Variants in NEK8 observed in about 807,000 individuals in gnomAD.
The protein encoded by NEK8 is NIMA related kinase 8.
In NEK8, 51 loss-of-function variants were observed where a neutral mutation model predicts 77.2. The observed-to-expected ratio is 0.66, with a 90% confidence interval of 0.53 to 0.83. NEK8 has a LOEUF of 0.83. Ranked by LOEUF, NEK8 falls within the 40% of genes least tolerant of loss-of-function variation. NEK8 has a pLI of 0.00. For missense variants in NEK8, 787 were observed against 909.2 expected (o/e 0.87, Z 1.73); for synonymous variants, 365 against 363.2 (o/e 1.00, Z -0.06).
At chr17:28,736,600 C>T (rs1348314028) in intron 4 of NEK8, among the ~76,000 whole-genome samples, 19 of 152,274 alleles carry the variant, frequency 1.2e-4, no homozygotes, top group East Asian at 7.7e-4. Context: ...TCATATCCTT[C>T]GCCCACTTGT....
chr17:28,739,201 G>A lies in NEK8; in HGVS notation c.1417G>A (p.Gly473Ser), dbSNP rs766850842. 11 of 1,608,774 alleles carry A rather than the reference G, an allele frequency of 6.8e-6. No individual in the cohort carries two copies. The highest frequency in any genetic ancestry group is 3.3e-5 in the South Asian group (3 of 91,004). The change falls in exon 10 of 15, where the codon GGC (glycine) becomes AGC (serine). Residue 473 changes from glycine (G) to serine (S), a missense_variant and splice_region_variant. Gly to Ser is a moderately conservative substitution (Grantham distance 56). Coordinates refer to ENST00000268766, the MANE Select transcript of NEK8 (RefSeq NM_178170.3). ...ELFAWGRGDS[G>S]RLGLGTRESH... is the part of the protein sequence containing the mutation. ...ATTTGCCTGGGGCCGTGGAGACAGC[G>A]GTAAGCTCCAGCCTTTAGGCCCCAT...
Position 28,739,016 on chromosome 17 carries a change from A to C in NEK8, c.1300-68A>C, listed in dbSNP as rs1010472210. Reference sequence around the variant, plus strand: ...GTGTAGCCTCCAGCTTTGTCCCTACAGGGGGTGTTGAAGCCAGATGGCTCC... The same window carrying C: ...GTGTAGCCTCCAGCTTTGTCCCTACCGGGGGTGTTGAAGCCAGATGGCTCC... On this transcript the variant is annotated intron_variant, in intron 9 of 14. Transcript: ENST00000268766. The C allele has an allele frequency of 7.9e-6, 9 of 1,141,432 alleles. No individual in the cohort carries two copies. In the Middle Eastern group the frequency reaches 5.8e-4, roughly 73 times the overall value. The allele number at this position is 1,141,432 out of a possible 1,614,324, so 70.7% of individuals were successfully genotyped here.
chr17:28,734,686 C>CAAAA, intron 2 of NEK8, 86 bp from the exon 3 acceptor site: 2 of 792,694 alleles, frequency 2.5e-6, no homozygotes, highest in South Asian at 1.6e-5. Context: ...GACTCCATCT[C>CAAAA]AAAAAAAAAA....
In NEK8 at chr17:28,741,097, T is replaced by A; in HGVS notation, c.1752T>A (p.Thr584=). 1.2e-6 allele frequency: 2 copies of A among 1,614,186 alleles called. No individual in the cohort carries two copies. Among genetic ancestry groups the A allele is most frequent in the Non-Finnish European group, 1.7e-6 (2 of 1,180,022 alleles). ...CCATAGCCTCGGGTGATTGCTACAC[T>A]TTTGGCAGCAATCAGCACGGACAGT... ...AAVTASGDCY[T]FGSNQHGQLG... Residue 584 remains threonine, a synonymous_variant, in exon 13 of 15, where the codon ACT becomes ACA. Coordinates refer to ENST00000268766, the MANE Select transcript of NEK8 (RefSeq NM_178170.3). The surrounding 1 kb of genome is among the most constrained non-coding windows in gnomAD (Gnocchi z 4.5).
chr17:28,738,624 CTGTT>C, intron 8 of NEK8, 43 bp from the exon 9 acceptor site: 1 of 1,541,788 alleles, frequency 6.5e-7, no homozygotes, highest in Non-Finnish European at 9.0e-7. Flanking sequence ...TCTGGAAAGA[CTGTT>C]TAACTTCTTT....
At position 28,740,983 on chromosome 17, in the gene NEK8, C is replaced by T; in HGVS notation, c.1730C>T (p.Thr577Ile). 1.9e-6 allele frequency: 3 copies of T among 1,614,156 alleles called. No individual in the cohort carries two copies. Among genetic ancestry groups the T allele is most frequent in the South Asian group, 1.1e-5 (1 of 91,086 alleles). Reference protein sequence around the residue: ...DLGTAHSAAVTASGDCYTFGS... With the variant: ...DLGTAHSAAVIASGDCYTFGS... ...GGCACTGCTCACTCAGCTGCTGTGA[C>T]TGGTGAGGAGGACTTGGGCTCTGGA... Residue 577 changes from threonine to isoleucine, a missense_variant and splice_region_variant, in exon 12 of 15, where the codon ACT (threonine) becomes ATT (isoleucine). Thr to Ile is a moderately conservative substitution (Grantham distance 89). Coordinates refer to ENST00000268766, the MANE Select transcript of NEK8 (RefSeq NM_178170.3). The surrounding 1 kb of genome is among the most constrained non-coding windows in gnomAD (Gnocchi z 4.7).
At chr17:28,735,713 T>G (rs542851653) in intron 4 of NEK8, among the ~76,000 whole-genome samples, 1 of 152,196 alleles carries the variant, frequency 6.6e-6, no homozygotes, top group South Asian at 2.1e-4. Flanking sequence ...GACTCCCCTG[T>G]CAGTCTGGGA....
chr17:28,734,311 A>G (rs1007726665), intron 2 of NEK8, 123 bp downstream of exon 2: 1 of 867,822 alleles, frequency 1.2e-6, no homozygotes, highest in Admixed American at 1.8e-5. Context: ...TCTGGTCCCA[A>G]TTATCTGACC....
intron 1 of NEK8, among the ~76,000 whole-genome samples, 196 bp from the exon 2 acceptor site, chr17:28,733,786 TG>T (rs1410749117): frequency 6.6e-6 from 1 of 152,240 alleles, no homozygotes; most frequent in Non-Finnish European, 1.5e-5. Flanking sequence ...TCACAGTGCC[TG>T]TGGTGAAACT....
chr17:28,738,719 G>C lies in NEK8; in HGVS notation c.1271G>C (p.Gly424Ala). The C allele has an allele frequency of 1.2e-6, 2 of 1,614,138 alleles. No individual in the cohort carries two copies. The highest frequency in any genetic ancestry group is 4.5e-5 in the East Asian group (2 of 44,882). ...GGCAGCGGCAGCAATGGGTGCCTAG[G>C]CCATGGCAGCCTCACTGACATCAGC... ...TFGSGSNGCL[G>A]HGSLTDISQP... Residue 424 changes from glycine (G) to alanine (A), a missense_variant, in exon 9 of 15, where the codon GGC (glycine) becomes GCC (alanine). By Grantham distance (60) the Gly-to-Ala change is moderately conservative. This residue lies in a region of NEK8 where 516 missense variants were observed against 544.0 expected (regional missense o/e 0.95). Transcript: ENST00000268766.
Position 28,740,367 on chromosome 17 carries a change from G to A in NEK8, c.1418-96G>A, listed in dbSNP as rs1283852718. On this transcript the variant is annotated intron_variant, in intron 10 of 14. Transcript: ENST00000268766. This position sits in a 1 kb window ranked among gnomAD's most constrained non-coding sequence, Gnocchi z 4.7. ...AGGCATTTGGGACTGAGAGAACAGA[G>A]AACTCATGCTGTTCCCTCCCCTCAG... The A allele has an allele frequency of 2.0e-6, 2 of 1,010,286 alleles. No homozygotes were observed. The highest frequency in any genetic ancestry group is 3.2e-6 in the Non-Finnish European group (2 of 630,748). 62.6% of individuals were successfully genotyped at this position (1,010,286 alleles called of 1,614,324 possible).
chr17:28,731,965 C>T (rs1194655131), intron 1 of NEK8, among the ~76,000 whole-genome samples: 3 of 91,220 alleles, frequency 3.3e-5, no homozygotes, highest in African/African-American at 1.3e-4. Flanking sequence ...GAGTCTTGCT[C>T]TATCTTCTAG....
rs747401624 is a variant in NEK8 at position 28,734,802 on chromosome 17, G to A, written c.284G>A (p.Arg95His). Residue 95 changes from arginine to histidine, a missense_variant, in exon 3 of 15, where the codon CGC becomes CAC. Arg to His is a conservative substitution (Grantham distance 29). This residue lies in a region of NEK8 where 271 missense variants were observed against 365.1 expected (regional missense o/e 0.74). Transcript: ENST00000268766. Reference protein sequence around the residue: ...GGTLAEFIQKRCNSLLEEETI... With the variant: ...GGTLAEFIQKHCNSLLEEETI... ...ACTCTGGCTGAGTTCATCCAAAAGC[G>A]CTGTAATTCCCTGCTGGAGGAGGAG... The A allele has an allele frequency of 4.3e-6, 7 of 1,613,824 alleles. No individual in the cohort carries two copies. Among genetic ancestry groups the A allele is most frequent in the Middle Eastern group, 1.6e-4 (1 of 6,062 alleles).
At chr17:28,728,938 C>T in intron 1 of NEK8, 78 bp downstream of exon 1, 1 of 1,271,510 alleles carries the variant, frequency 7.9e-7, no homozygotes, top group Non-Finnish European at 1.1e-6. Context: ...AAGTCGCCGC[C>T]CGCCTAATCC....
At position 28,741,312 on chromosome 17, in the gene NEK8, AC is replaced by A. The variant is rs2034419840; in HGVS notation, c.1891+77del. On this transcript the variant is annotated intron_variant, in intron 13 of 14. Transcript: ENST00000268766. This position sits in a 1 kb window ranked among gnomAD's most constrained non-coding sequence, Gnocchi z 4.5. ...GGGGGTTGCTATTCAGGGCCACTGG[AC>A]TCTGGAGCCTCCCAGGGGCCATCCT... 1.9e-6 allele frequency: 3 copies of A among 1,596,380 alleles called. No homozygotes were observed. The highest frequency in any genetic ancestry group is 2.6e-6 in the Non-Finnish European group (3 of 1,169,930).
chr17:28,738,966 A>G, intron 9 of NEK8, 118 bp from the exon 10 acceptor site: 1 of 900,676 alleles, frequency 1.1e-6, no homozygotes. Flanking sequence ...GGCTGGATTT[A>G]AAGACACAGC....
At chr17:28,736,655 A>T (rs2151732466) in intron 4 of NEK8, among the ~76,000 whole-genome samples, 1 of 152,282 alleles carries the variant, frequency 6.6e-6, no homozygotes, top group South Asian at 2.1e-4. Context: ...AGTTCTTTGT[A>T]GATTCTGGAT....
chr17:28,738,773 G>A (rs752906012), intron 9 of NEK8, 26 bp downstream of exon 9: 22 of 1,564,956 alleles, frequency 1.4e-5, no homozygotes, highest in Non-Finnish European at 1.9e-5. Context: ...ACCTTGGGAA[G>A]GGGAAGTCGG....
rs1346494235 is a variant in NEK8, at chr17:28,741,820, G to A, written c.2051-139G>A. ...CACATGCATTCTTTCTCCTACTGCT[G>A]AGTCCCGTTGATGCTGAAACTCTCT... is the stretch of plus-strand genomic sequence containing the variant. On this transcript the variant is annotated intron_variant, in intron 14 of 14. Transcript: ENST00000268766. The surrounding 1 kb of genome is among the most constrained non-coding windows in gnomAD (Gnocchi z 4.5). The A allele has an allele frequency of 3.0e-6, 3 of 987,170 alleles. No homozygotes were observed. Among genetic ancestry groups the A allele is most frequent in the Non-Finnish European group, 4.9e-6 (3 of 617,886 alleles). 61.2% of individuals were successfully genotyped at this position (987,170 alleles called of 1,614,324 possible).
Sources: allele counts gnomAD v4.1 joint callset (sites outside exome capture counted in the v4.1 genomes callset), GRCh38; gene constraint gnomAD v4.1.1; regional missense constraint gnomAD v4.1.1; non-coding constraint Gnocchi (gnomAD v3.1); transcripts MANE v1.5; gene names NCBI Gene and HGNC (gene_info 2026-07-23, HGNC 2026-07-21).